Variants in MYNN observed in about 807,000 individuals in gnomAD.
MYNN encodes the protein myoneurin.
MYNN carries 22 observed loss-of-function variants against 57.2 expected under a neutral mutation model. That is an observed-to-expected ratio of 0.38 (90% CI 0.27 to 0.55). The LOEUF (loss-of-function observed/expected upper bound fraction) is 0.55, where lower values mean the gene tolerates loss of function less well. Among genes scored for constraint, MYNN ranks in the 20% least tolerant of loss-of-function variants. MYNN has a pLI of 0.71. For missense variants in MYNN, 566 were observed against 723.1 expected, an observed-to-expected ratio of 0.78 and a Z score of 2.49; for synonymous variants, 241 against 257.1, an observed-to-expected ratio of 0.94 and a Z score of 0.60.
intron 7 of MYNN, 77 bp downstream of exon 7, chr3:169,784,785 G>T: frequency 3.3e-6 from 3 of 910,036 alleles, no homozygotes; most frequent in South Asian, 3.4e-5. Flanking sequence ...TTAAAATGCT[G>T]AGATGAGATT....
In MYNN at chr3:169,786,890, G is replaced by A; in HGVS notation, c.*212G>A. On this transcript the variant is annotated 3_prime_UTR_variant, in exon 8 of 8. Coordinates refer to ENST00000349841, the MANE Select transcript of MYNN (RefSeq NM_018657.5). The stretch of plus-strand genomic sequence containing the variant: ...CTCCACAGAGAGCTTTTTAAGTAAT[G>A]AATTATGTAGCACTATTTTGGGTGG... 1 of 513,286 alleles carries A rather than the reference G, an allele frequency of 1.9e-6. No homozygotes were observed. The highest frequency in any genetic ancestry group is 2.8e-5 in the South Asian group (1 of 35,634). 31.8% of individuals were successfully genotyped at this position (513,286 alleles called of 1,614,324 possible).
intron 5 of MYNN, 76 bp from the exon 6 acceptor site, chr3:169,783,401 A>C: frequency 1.2e-6 from 1 of 814,702 alleles, no homozygotes; most frequent in Non-Finnish European, 2.0e-6. Flanking sequence ...AGAAAAGCTT[A>C]CTTTAGATTA....
Position 169,778,921 on chromosome 3 carries a change from A to C in MYNN, c.420A>C (p.Gln140His). The change falls in exon 3 of 8, where the codon CAA becomes CAC. Residue 140 changes from glutamine (Q) to histidine (H), a missense_variant. This residue lies in a region of MYNN where 261 missense variants were observed against 280.8 expected (regional missense o/e 0.93). Transcript: ENST00000349841. Reference sequence around the variant, plus strand: ...TTACTGGAAACATTGAATTGAATCAACAGACTTGTCTTCTTACTCTGCGAG... The same window carrying C: ...TTACTGGAAACATTGAATTGAATCACCAGACTTGTCTTCTTACTCTGCGAG... Reference protein sequence around the residue: ...SSITGNIELNQQTCLLTLRDY... With the variant: ...SSITGNIELNHQTCLLTLRDY... 1 of 1,614,102 alleles carries C rather than the reference A, an allele frequency of 6.2e-7. No homozygotes were observed. Among genetic ancestry groups the C allele is most frequent in the Non-Finnish European group, 8.5e-7 (1 of 1,180,032 alleles).
chr3:169,787,978 C>T lies in MYNN; in HGVS notation c.*1300C>T, dbSNP rs1778719944. On this transcript the variant is annotated 3_prime_UTR_variant, in exon 8 of 8. Coordinates refer to ENST00000349841, the MANE Select transcript of MYNN (RefSeq NM_018657.5). Reference sequence around the variant, plus strand: ...TGATATTCTTTTTCTTTTTTTTTCCCCCCACAAGGCTGTTGTTCAGTGTGA... The same window carrying T: ...TGATATTCTTTTTCTTTTTTTTTCCTCCCACAAGGCTGTTGTTCAGTGTGA... The T allele has an allele frequency of 6.6e-6, 1 of 151,592 alleles. No homozygotes were observed. The highest frequency in any genetic ancestry group is 2.4e-5 in the African/African-American group (1 of 41,302). 9.4% of individuals were successfully genotyped at this position (151,592 alleles called of 1,614,324 possible). A position where few individuals can be genotyped will look rare whatever the true frequency, so the allele number is the denominator to read the frequency against.
chr3:169,786,320 G>T, intron 7 of MYNN, 96 bp from the exon 8 acceptor site: 1 of 1,171,616 alleles, frequency 8.5e-7, no homozygotes. Flanking sequence ...ATGGTGGTTG[G>T]AATGTAATTT....
Position 169,786,655 on chromosome 3 carries a change from A to AT in MYNN, c.1817dup (p.Leu606PhefsTer9), listed in dbSNP as rs1778687310. The AT allele has an allele frequency of 6.2e-7, 1 of 1,612,874 alleles. No individual in the cohort carries two copies. The highest frequency in any genetic ancestry group is 8.5e-7 in the Non-Finnish European group (1 of 1,179,322). On this transcript the variant is annotated frameshift_variant, in exon 8 of 8. Transcript: ENST00000349841. LOFTEE classifies it high-confidence loss of function. ...GAATGGGTATTCAGAACCACAGTTG[A>AT]TTTTTTTACAACAATTATACTGACT...
chr3:169,776,750 C>G (rs1174860856), intron 2 of MYNN, among the ~76,000 whole-genome samples: 2 of 129,554 alleles, frequency 1.5e-5, no homozygotes, highest in African/African-American at 3.0e-5. Context: ...GTCACCCAGG[C>G]TGGAGTGCAA....
Position 169,778,986 on chromosome 3 carries a change from T to A in MYNN, c.485T>A (p.Leu162Ter). The change falls in exon 3 of 8, where the codon TTG becomes TAG. Residue 162 changes from leucine to a stop codon, truncating the protein, a stop_gained. Transcript: ENST00000349841. LOFTEE classifies it high-confidence loss of function. The stretch of plus-strand genomic sequence containing the variant: ...GAGAAATCAGAAGTATCTACAGATT[T>A]GATTCAGGCAAATCCTAAACAAGGC... Reference protein sequence around the residue: ...NREKSEVSTDLIQANPKQGAL... With the variant: ...NREKSEVSTD 1.9e-6 allele frequency: 3 copies of A among 1,613,842 alleles called. No homozygotes were observed. The highest frequency in any genetic ancestry group is 8.5e-7 in the Non-Finnish European group (1 of 1,180,040).
At position 169,786,707 on chromosome 3, in the gene MYNN, T is replaced by TA. The variant is rs749355707; in HGVS notation, c.*30dup. ...TGTAAGGAATATGGAATTGCTAAGA[T>TA]ATCATTGGTAGCAAACATCTCTGGT... On this transcript the variant is annotated 3_prime_UTR_variant, in exon 8 of 8. Coordinates refer to ENST00000349841, the MANE Select transcript of MYNN (RefSeq NM_018657.5). 1.3e-6 allele frequency: 2 copies of TA among 1,593,390 alleles called. No homozygotes were observed. The highest frequency in any genetic ancestry group is 2.2e-5 in the South Asian group (2 of 90,198).
At position 169,782,462 on chromosome 3, in the gene MYNN, C is replaced by T; in HGVS notation, c.1221-3C>T. 1.3e-6 allele frequency: 2 copies of T among 1,598,586 alleles called. No homozygotes were observed. Among genetic ancestry groups the T allele is most frequent in the South Asian group, 1.1e-5 (1 of 88,764 alleles). ...TTACTTATTTAACTTTATTTACTAA[C>T]AGGAAGCATAGTGGAGAGAAGCCAT... On this transcript the variant is annotated splice_polypyrimidine_tract_variant and splice_region_variant and intron_variant, in intron 4 of 7. Coordinates refer to ENST00000349841, the MANE Select transcript of MYNN (RefSeq NM_018657.5). The surrounding 1 kb of genome is among the most constrained non-coding windows in gnomAD (Gnocchi z 4.8).
At position 169,782,790 on chromosome 3, in the gene MYNN, AT is replaced by A; in HGVS notation, c.1399+150del. 1 of 609,392 alleles carries A rather than the reference AT, an allele frequency of 1.6e-6. No individual in the cohort carries two copies. Among genetic ancestry groups the A allele is most frequent in the Non-Finnish European group, 2.7e-6 (1 of 369,930 alleles). 37.7% of individuals were successfully genotyped at this position (609,392 alleles called of 1,614,324 possible). On this transcript the variant is annotated intron_variant, in intron 5 of 7. Coordinates refer to ENST00000349841, the MANE Select transcript of MYNN (RefSeq NM_018657.5). The surrounding 1 kb of genome is among the most constrained non-coding windows in gnomAD (Gnocchi z 4.8). ...AGCTATGTTTATGATTTTTGCACAT[AT>A]TTGTTAAATATAAAAGCTGACTTAT...
chr3:169,780,859 C>T, intron 4 of MYNN, 110 bp downstream of exon 4: 3 of 966,236 alleles, frequency 3.1e-6, no homozygotes, highest in Non-Finnish European at 4.3e-6. Context: ...TGTGGTTCCA[C>T]CAAACAATGT....
At chr3:169,774,010 G>T (rs778944352) in intron 1 of MYNN, 2 of 380,872 alleles carry the variant, frequency 5.3e-6, no homozygotes, top group Non-Finnish European at 9.5e-6. Flanking sequence ...AAAGCGTCAG[G>T]TTTTGCTGTG....
chr3:169,780,280 G>C (rs924086037), intron 3 of MYNN: 1 of 177,130 alleles, frequency 5.6e-6, no homozygotes, highest in Admixed American at 6.3e-5. Context: ...GGATGGTCTC[G>C]ATCTCCTGAA....
intron 3 of MYNN, 28 bp from the exon 4 acceptor site, chr3:169,780,562 C>G: frequency 6.5e-7 from 1 of 1,539,568 alleles, no homozygotes; most frequent in Non-Finnish European, 8.8e-7. Context: ...CTATTTTCTT[C>G]TAAATATAAA....
chr3:169,786,448 G>T lies in MYNN; in HGVS notation c.1603G>T (p.Asp535Tyr). The T allele has an allele frequency of 1.2e-6, 2 of 1,613,414 alleles. No homozygotes were observed. The highest frequency in any genetic ancestry group is 4.5e-5 in the East Asian group (2 of 44,862). Residue 535 changes from aspartate (D) to tyrosine (Y), a missense_variant, in exon 8 of 8, where the codon GAT becomes TAT. Physicochemically the swap from Asp to Tyr is radical, Grantham distance 160. This residue lies in a region of MYNN where 156 missense variants were observed against 163.9 expected (regional missense o/e 0.95). Transcript: ENST00000349841. ...ADKTLDSSAE[D>Y]HTLSEQDSIQ... ...TAAAACTCTAGACTCCAGTGCAGAG[G>T]ATCATACTTTGAGTGAACAGGATTC... is the stretch of plus-strand genomic sequence containing the variant.
chr3:169,783,666 G>C, intron 6 of MYNN, 106 bp downstream of exon 6: 3 of 795,020 alleles, frequency 3.8e-6, no homozygotes, highest in Non-Finnish European at 6.8e-6. Context: ...TAGTCATACT[G>C]TACCTATAGC....
intron 7 of MYNN, among the ~76,000 whole-genome samples, chr3:169,785,784 A>G (rs957531507): frequency 4.6e-5 from 7 of 152,062 alleles, no homozygotes; most frequent in Admixed American, 2.6e-4. Context: ...TCATGTCAAC[A>G]CTTTAGAGTA....
chr3:169,784,913 A>T (rs1228075760), intron 7 of MYNN, among the ~76,000 whole-genome samples: 6 of 63,172 alleles, frequency 9.5e-5, no homozygotes, highest in African/African-American at 3.4e-4. Context: ...TCTCTTATTT[A>T]AAAAAAAAAA....
Sources: allele counts gnomAD v4.1 joint callset (sites outside exome capture counted in the v4.1 genomes callset), GRCh38; gene constraint gnomAD v4.1.1; regional missense constraint gnomAD v4.1.1; non-coding constraint Gnocchi (gnomAD v3.1); transcripts MANE v1.5; gene names NCBI Gene and HGNC (gene_info 2026-07-23, HGNC 2026-07-21).